The following PLA2G4C variants were observed in gnomAD, a reference collection of about 807,000 sequenced individuals.
The protein encoded by PLA2G4C is cytosolic phospholipase A2 gamma.
A neutral mutation model predicts 73.8 loss-of-function variants in PLA2G4C; 64 were observed. The observed-to-expected ratio is 0.87, with a 90% confidence interval of 0.71 to 1.07. The LOEUF (loss-of-function observed/expected upper bound fraction) is 1.07. Among genes scored for constraint, PLA2G4C ranks in the 50% least tolerant of loss-of-function variants. The pLI is 0.00. For synonymous variants in PLA2G4C, 254 were observed against 252.1 expected (o/e 1.01, Z -0.07); for missense variants, 622 against 665.4 (o/e 0.93, Z 0.72).
intron 16 of PLA2G4C, among the ~76,000 whole-genome samples, chr19:48,049,136 C>A (rs1568417562): frequency 6.6e-6 from 1 of 152,146 alleles, no homozygotes; most frequent in African/African-American, 2.4e-5. Flanking sequence ...CCTACAGAAC[C>A]ATGAGCCAAA....
chr19:48,048,097 C>T lies in PLA2G4C; in HGVS notation c.*246G>A, dbSNP rs1967589550. ...TTGTCAGACACTCATGCTCCAGCTC[C>T]AGGATCTCCCGAGGGACCTGCAGGA... On this transcript the variant is annotated 3_prime_UTR_variant, in exon 17 of 17. Coordinates refer to ENST00000599921, the MANE Select transcript of PLA2G4C (RefSeq NM_003706.3). The T allele has an allele frequency of 1.9e-6, 1 of 514,040 alleles. No homozygotes were observed. Among genetic ancestry groups the T allele is most frequent in the Admixed American group, 4.2e-5 (1 of 23,890 alleles). 31.8% of individuals were successfully genotyped at this position (514,040 alleles called of 1,614,324 possible).
chr19:48,092,812 A>G (rs2031380766), intron 7 of PLA2G4C, among the ~76,000 whole-genome samples: 1 of 152,198 alleles, frequency 6.6e-6, no homozygotes, highest in Non-Finnish European at 1.5e-5. Flanking sequence ...TACAAGATGA[A>G]AAGTGTTATG....
intron 13 of PLA2G4C, among the ~76,000 whole-genome samples, chr19:48,065,985 C>T (rs570134142): frequency 4.9e-4 from 75 of 151,722 alleles, no homozygotes; most frequent in African/African-American, 1.7e-3. Flanking sequence ...CCCAGCTACT[C>T]GGGAGGCAGG....
chr19:48,097,295 C>T (rs1331681053), intron 6 of PLA2G4C, among the ~76,000 whole-genome samples: 2 of 137,998 alleles, frequency 1.4e-5, no homozygotes, highest in Non-Finnish European at 3.1e-5. Flanking sequence ...CTCTGTCGCC[C>T]AGGCTGGAGT....
Position 48,095,578 on chromosome 19 carries a change from G to A in PLA2G4C, c.595C>T (p.His199Tyr). The A allele has an allele frequency of 6.2e-7, 1 of 1,614,062 alleles. No homozygotes were observed. The highest frequency in any genetic ancestry group is 8.5e-7 in the Non-Finnish European group (1 of 1,179,950). Residue 199 changes from histidine (H) to tyrosine (Y), a missense_variant, in exon 7 of 17, where the codon CAC becomes TAC. By Grantham distance (83) the His-to-Tyr change is moderately conservative (BLOSUM62 2). Coordinates refer to ENST00000599921, the MANE Select transcript of PLA2G4C (RefSeq NM_003706.3). ...GCCCCCAGTGCAGAGAAGCCAGCGTGGTGAGGGGTGAACTCGAACCAGGTC... is the reference window on the plus strand; with the variant it reads ...GCCCCCAGTGCAGAGAAGCCAGCGTAGTGAGGGGTGAACTCGAACCAGGTC... Reference protein sequence around the residue: ...PETWFEFTPHHAGFSALGAFV... With the variant: ...PETWFEFTPHYAGFSALGAFV...
intron 10 of PLA2G4C, among the ~76,000 whole-genome samples, chr19:48,082,844 C>G (rs990297203): frequency 7.4e-6 from 1 of 135,014 alleles, no homozygotes; most frequent in Non-Finnish European, 1.6e-5. Flanking sequence ...GACGGAGTCT[C>G]GCTCTGTCGC....
intron 10 of PLA2G4C, among the ~76,000 whole-genome samples, chr19:48,084,704 C>A (rs901065119): frequency 1.5e-4 from 23 of 152,196 alleles, no homozygotes; most frequent in Admixed American, 5.2e-4. Flanking sequence ...CAGACACTGT[C>A]CTATGTGCTT....
intron 15 of PLA2G4C, among the ~76,000 whole-genome samples, chr19:48,054,482 TGTTG>T (rs1568420817): frequency 7.1e-6 from 1 of 141,580 alleles, no homozygotes; most frequent in Non-Finnish European, 1.6e-5. Context: ...TATTTTTTTT[TGTTG>T]TTGTATTTTT....
rs201887513 is a variant in PLA2G4C, at chr19:48,053,014, C to G, written c.1563G>C (p.Glu521Asp). The G allele has an allele frequency of 1.9e-6, 3 of 1,610,512 alleles. No homozygotes were observed. The East Asian group carries it at 6.7e-5, about 36-fold the overall frequency. ...VRENKKKILR[E>D]LMNVAGLYYP... is the part of the protein sequence containing the mutation. The stretch of plus-strand genomic sequence containing the variant: ...CCACCTACCCGGCCACGTTCATCAA[C>G]TCTCTAAGGATCTTCTTCTTGTTTT... The change falls in exon 16 of 17, where the codon GAG becomes GAC. Residue 521 changes from glutamate to aspartate, a missense_variant. Transcript: ENST00000599921.
intron 4 of PLA2G4C, 155 bp from the exon 5 acceptor site, chr19:48,100,015 A>G (rs890415572): frequency 9.4e-6 from 5 of 532,470 alleles, no homozygotes; most frequent in Non-Finnish European, 1.7e-5. Flanking sequence ...AATAAATACA[A>G]CTGCAGAACG....
intron 5 of PLA2G4C, among the ~76,000 whole-genome samples, chr19:48,098,799 G>A (rs981506656): frequency 2.7e-5 from 4 of 149,300 alleles, no homozygotes; most frequent in Non-Finnish European, 5.9e-5. Flanking sequence ...CTACTTGGGA[G>A]GCTGAGCTGA....
At chr19:48,055,186 G>A (rs1267923895) in intron 14 of PLA2G4C, 137 bp from the exon 15 acceptor site, 2 of 733,278 alleles carry the variant, frequency 2.7e-6, no homozygotes, top group Admixed American at 5.4e-5. Flanking sequence ...GCTTGGACAG[G>A]GACAACATCT....
At chr19:48,090,218 A>G in intron 8 of PLA2G4C, 146 bp downstream of exon 8, 3 of 675,488 alleles carry the variant, frequency 4.4e-6, no homozygotes, top group Non-Finnish European at 8.0e-6. Flanking sequence ...CTGGCTGCCC[A>G]ATTATATGAG....
intron 12 of PLA2G4C, among the ~76,000 whole-genome samples, chr19:48,068,952 T>G (rs1157332158): frequency 6.7e-6 from 1 of 150,214 alleles, no homozygotes; most frequent in African/African-American, 2.5e-5. Context: ...GACTCACATC[T>G]GTAATTCCAG....
At chr19:48,093,847 G>A (rs2031436579) in intron 7 of PLA2G4C, among the ~76,000 whole-genome samples, 1 of 152,210 alleles carries the variant, frequency 6.6e-6, no homozygotes, top group South Asian at 2.1e-4. Flanking sequence ...GTGATAGCGA[G>A]TGAGTTCTCA....
At chr19:48,103,407 A>T (rs549692052) in intron 4 of PLA2G4C, 1 of 152,504 alleles carries the variant, frequency 6.6e-6, no homozygotes, top group African/African-American at 2.4e-5. Flanking sequence ...CGCCTCCAGG[A>T]ACCTCATCCT....
intron 16 of PLA2G4C, 99 bp from the exon 17 acceptor site, chr19:48,048,487 A>G: frequency 1.4e-6 from 1 of 693,082 alleles, no homozygotes; most frequent in African/African-American, 1.9e-5. Flanking sequence ...CAGGTCATAC[A>G]TGACTTAGGA....
chr19:48,054,210 C>A (rs1281871873), intron 15 of PLA2G4C, among the ~76,000 whole-genome samples: 1 of 152,226 alleles, frequency 6.6e-6, no homozygotes, highest in East Asian at 1.9e-4. Context: ...TCCCATAATC[C>A]CCAAGTGTCG....
chr19:48,067,672 C>T (rs1968487745), intron 13 of PLA2G4C, 119 bp downstream of exon 13: 4 of 742,158 alleles, frequency 5.4e-6, no homozygotes, highest in Non-Finnish European at 9.8e-6. Context: ...TGACACCACC[C>T]CCCTCCAAAG....
Sources: allele counts gnomAD v4.1 joint callset (sites outside exome capture counted in the v4.1 genomes callset), GRCh38; gene constraint gnomAD v4.1.1; transcripts MANE v1.5; gene names NCBI Gene and HGNC (gene_info 2026-07-23, HGNC 2026-07-21).